Variants in KSR2 observed in about 807,000 individuals in gnomAD.
KSR2 encodes the protein kinase suppressor of ras 2.
Under a neutral mutation model 107.8 loss-of-function variants are expected in KSR2, and 25 were observed. That is an observed-to-expected ratio of 0.23 (90% CI 0.17 to 0.32). The LOEUF (loss-of-function observed/expected upper bound fraction) is 0.32, where lower values mean the gene tolerates loss of function less well. KSR2 is among the 10% of genes least tolerant of loss of function. The probability of loss-of-function intolerance (pLI) is 1.00; values close to 1 mark genes in which losing one functional copy is unlikely to be tolerated. For missense variants in KSR2, 887 were observed against 1,268.9 expected (o/e 0.70, Z 4.57); for synonymous variants, 480 against 507.0 (o/e 0.95, Z 0.71).
chr12:117,926,657 C>T (rs1477078333), intron 1 of KSR2, among the ~76,000 whole-genome samples: 7 of 152,222 alleles, frequency 4.6e-5, no homozygotes, highest in African/African-American at 4.8e-5. Context: ...CAGCCACCAG[C>T]GGTGACAGCC....
chr12:117,492,653 T>G (rs1872806619), intron 14 of KSR2, among the ~76,000 whole-genome samples: 1 of 152,248 alleles, frequency 6.6e-6, no homozygotes, highest in African/African-American at 2.4e-5. Flanking sequence ...AAAGGAGACT[T>G]TGCAGATGTG....
chr12:117,901,790 G>A (rs1044705444), intron 1 of KSR2, among the ~76,000 whole-genome samples: 8 of 152,232 alleles, frequency 5.3e-5, no homozygotes, highest in Admixed American at 2.0e-4. Context: ...CACATATGCC[G>A]CTGGGTGGGT....
intron 10 of KSR2, 54 bp from the exon 11 acceptor site, chr12:117,531,761 A>G: frequency 7.0e-7 from 1 of 1,438,436 alleles, no homozygotes; most frequent in Non-Finnish European, 9.6e-7. Flanking sequence ...ACATCGCTTC[A>G]GGGACCAGAT....
chr12:117,785,401 T>G (rs1890030435), intron 3 of KSR2, among the ~76,000 whole-genome samples: 4 of 105,604 alleles, frequency 3.8e-5, no homozygotes, highest in Admixed American at 1.6e-4. Context: ...GGCAACAGAG[T>G]GAGACTCCAT....
At chr12:117,682,347 T>C (rs1248551143) in intron 4 of KSR2, among the ~76,000 whole-genome samples, 1 of 151,908 alleles carries the variant, frequency 6.6e-6, no homozygotes, top group Non-Finnish European at 1.5e-5. Flanking sequence ...AGTTGATAGG[T>C]GCAGCAAACC....
At chr12:117,798,315 G>T (rs900854879) in intron 3 of KSR2, among the ~76,000 whole-genome samples, 1 of 152,188 alleles carries the variant, frequency 6.6e-6, no homozygotes, top group African/African-American at 2.4e-5. Flanking sequence ...CAAGTCTTGA[G>T]AGGAGGCTCT....
chr12:117,818,180 A>G (rs1891440795), intron 3 of KSR2, among the ~76,000 whole-genome samples: 2 of 152,224 alleles, frequency 1.3e-5, no homozygotes, highest in Non-Finnish European at 2.9e-5. Flanking sequence ...AATAGGGATC[A>G]ATGGGCAATC....
intron 1 of KSR2, among the ~76,000 whole-genome samples, chr12:117,917,905 A>C (rs1252640385): frequency 6.6e-6 from 1 of 152,186 alleles, no homozygotes; most frequent in Non-Finnish European, 1.5e-5. Context: ...AGATAACAAA[A>C]CCTGAATAAC....
At chr12:117,678,647 C>T (rs1282306554) in intron 4 of KSR2, among the ~76,000 whole-genome samples, 1 of 152,178 alleles carries the variant, frequency 6.6e-6, no homozygotes, top group East Asian at 1.9e-4. Context: ...TATGGTTCCC[C>T]TATGGTCACG....
In KSR2 at chr12:117,572,715, A is replaced by G. The variant is rs186934149; in HGVS notation, c.1325+6404T>C. Among the ~76,000 whole-genome samples, 866 of 151,742 alleles carry G rather than the reference A, an allele frequency of 5.7e-3. 2 individuals are homozygous for G. Among genetic ancestry groups the G allele is most frequent in the African/African-American group, 8.5e-3 (352 of 41,366 alleles). Reference sequence around the variant, plus strand: ...CCAGCCCATTAAAAAAAAAAAAAAAAAGAGAAAAGAAAAAGGAAAAAGCAC... The same window carrying G: ...CCAGCCCATTAAAAAAAAAAAAAAAGAGAGAAAAGAAAAAGGAAAAAGCAC... On this transcript the variant is annotated intron_variant, in intron 7 of 19. Transcript: ENST00000339824.
rs145048494 is a variant in KSR2, at chr12:117,817,937, C to T, written c.472+37491G>A. 3.6e-3 allele frequency among the ~76,000 whole-genome samples: 546 copies of T among 152,130 alleles called. 5 individuals carry two copies. The highest frequency in any genetic ancestry group is 0.013 in the African/African-American group (521 of 41,494). On this transcript the variant is annotated intron_variant, in intron 3 of 19. Transcript: ENST00000339824. ...CCAACACAGTAAAACCCCGTCTACA[C>T]TAAAAATACAAAAATTAGCCAGGCG...
At chr12:117,848,645 G>A (rs1454744007) in intron 3 of KSR2, among the ~76,000 whole-genome samples, 2 of 152,200 alleles carry the variant, frequency 1.3e-5, no homozygotes, top group Non-Finnish European at 2.9e-5. Context: ...AATTAGAAAG[G>A]CTGAAGCCCC....
At chr12:117,930,876 C>T (rs1240609746) in intron 1 of KSR2, among the ~76,000 whole-genome samples, 3 of 152,004 alleles carry the variant, frequency 2.0e-5, no homozygotes, top group Non-Finnish European at 2.9e-5. Flanking sequence ...ATTGCACCAC[C>T]GCACTCCAGC....
At chr12:117,488,762 T>C (rs1335643493) in intron 14 of KSR2, among the ~76,000 whole-genome samples, 5 of 150,994 alleles carry the variant, frequency 3.3e-5, no homozygotes, top group African/African-American at 1.2e-4. Flanking sequence ...AGTGGCGCAA[T>C]GTTGGCTCAC....
chr12:117,718,408 C>T (rs1167390817), intron 4 of KSR2, among the ~76,000 whole-genome samples: 2 of 152,158 alleles, frequency 1.3e-5, no homozygotes, highest in African/African-American at 4.8e-5. Context: ...TGGAATGATC[C>T]AGAACTGGAT....
intron 3 of KSR2, among the ~76,000 whole-genome samples, chr12:117,763,779 G>A (rs1889131981): frequency 6.6e-6 from 1 of 152,186 alleles, no homozygotes; most frequent in Non-Finnish European, 1.5e-5. Context: ...CTGCTGCGGG[G>A]AAAACTAGAG....
rs528650607 is a variant in KSR2, at chr12:117,889,807, G to A, written c.181-29376C>T. ...ATATTTTGGTTGTCACAACTTGGAA[G>A]ATGGGGAGCTGTTACTAAAATCTAG... On this transcript the variant is annotated intron_variant, in intron 1 of 19. Coordinates refer to ENST00000339824, the MANE Select transcript of KSR2 (RefSeq NM_173598.6). 4 of 152,336 alleles carry A rather than the reference G, an allele frequency of 2.6e-5. No individual in the cohort carries two copies. In the South Asian group the frequency reaches 8.3e-4, roughly 32 times the overall value. The allele number at this position is 152,336 out of a possible 1,614,324, so 9.4% of individuals were successfully genotyped here.
At chr12:117,564,969 C>T (rs944542111) in intron 7 of KSR2, among the ~76,000 whole-genome samples, 5 of 152,200 alleles carry the variant, frequency 3.3e-5, no homozygotes, top group Non-Finnish European at 7.4e-5. Context: ...TCCCTCCCTT[C>T]TTCCCAGTGC....
At chr12:117,638,932 A>T (rs1883230826) in intron 5 of KSR2, among the ~76,000 whole-genome samples, 1 of 147,606 alleles carries the variant, frequency 6.8e-6, no homozygotes. Context: ...TGCCCCCCAA[A>T]ACTCCATGAC....
Sources: gnomAD v4.1 joint callset for allele counts (sites outside exome capture counted in the v4.1 genomes callset) on GRCh38, gnomAD v4.1.1 for gene constraint, MANE v1.5 for transcripts, NCBI Gene and HGNC (gene_info 2026-07-23, HGNC 2026-07-21) for gene names.